The following RBMS3 variants were observed in gnomAD, a reference collection of about 807,000 sequenced individuals.
RBMS3 encodes the protein RNA binding motif single stranded interacting protein 3, also known as RNA-binding motif, single-stranded-interacting protein 3.
RBMS3 carries 27 observed loss-of-function variants against 66.8 expected under a neutral mutation model. The ratio of observed to expected loss-of-function variants is 0.40; its 90% CI spans 0.30 to 0.56. RBMS3 has a LOEUF of 0.56. RBMS3 is among the 20% of genes least tolerant of loss of function. The pLI is 0.40. For synonymous variants in RBMS3, 188 were observed against 183.0 expected (o/e 1.03, Z -0.22); for missense variants, 513 against 549.5 (o/e 0.93, Z 0.66).
intron 6 of RBMS3, among the ~76,000 whole-genome samples, chr3:29,866,077 T>TAAAAAAAACAAAAAAAAAA: frequency 9.5e-6 from 1 of 105,600 alleles, no homozygotes; most frequent in South Asian, 3.6e-4. Context: ...CACCAAATAC[T>TAAAAAAAACAAAAAAAAAA]AAAAAAAAAA....
Position 30,003,915 on chromosome 3 carries a change from T to C in RBMS3, c.*53T>C, listed in dbSNP as rs1055780167. 6.4e-6 allele frequency: 9 copies of C among 1,413,456 alleles called. No individual in the cohort carries two copies. The highest frequency in any genetic ancestry group is 4.4e-5 in the African/African-American group (3 of 68,400). The allele number at this position is 1,413,456 out of a possible 1,614,324, so 87.6% of individuals were successfully genotyped here. ...CTTTGCCTTGAATGAAGAAACTTCA[T>C]TGAACAAGAAGTTGGCTTCCAGTTT... On this transcript the variant is annotated 3_prime_UTR_variant, in exon 15 of 15. Coordinates refer to ENST00000383767, the MANE Select transcript of RBMS3 (RefSeq NM_001003793.3).
chr3:29,463,814 C>T (rs1197741259), intron 2 of RBMS3, among the ~76,000 whole-genome samples: 2 of 152,062 alleles, frequency 1.3e-5, no homozygotes, highest in Non-Finnish European at 2.9e-5. Flanking sequence ...AACCTAACCC[C>T]ACACTACATA....
rs926136342 is a variant in RBMS3, at chr3:30,009,754, T to A, written c.*5892T>A. On this transcript the variant is annotated 3_prime_UTR_variant, in exon 15 of 15. Transcript: ENST00000383767. ...TGACTTTGACACCCCCGTGGATTAT[T>A]TTTATGATCACATCAAATTTAAACA... The A allele has an allele frequency of 2.0e-5, 3 of 152,196 alleles. No individual in the cohort carries two copies. The highest frequency in any genetic ancestry group is 7.2e-5 in the African/African-American group (3 of 41,464). 9.4% of individuals were successfully genotyped at this position (152,196 alleles called of 1,614,324 possible).
At chr3:29,614,921 C>T (rs141095615) in intron 4 of RBMS3, 140 of 152,300 alleles carry the variant, frequency 9.2e-4, no homozygotes, top group African/African-American at 3.2e-3. Flanking sequence ...TATCACTATA[C>T]ATAAATGAGT....
intron 6 of RBMS3, among the ~76,000 whole-genome samples, chr3:29,801,449 G>T (rs2057387178): frequency 6.6e-6 from 1 of 151,706 alleles, no homozygotes; most frequent in African/African-American, 2.4e-5. Flanking sequence ...TGTATTTTTA[G>T]TAGAGATGGC....
At chr3:29,487,584 T>C (rs1402538520) in intron 2 of RBMS3, among the ~76,000 whole-genome samples, 1 of 152,140 alleles carries the variant, frequency 6.6e-6, no homozygotes, top group Non-Finnish European at 1.5e-5. Context: ...CATTTTTATA[T>C]AGCTGATAGC....
intron 5 of RBMS3, among the ~76,000 whole-genome samples, chr3:29,747,953 T>G (rs2054998907): frequency 6.8e-5 from 3 of 44,116 alleles, no homozygotes; most frequent in African/African-American, 3.9e-4. Context: ...GTAATTTGTC[T>G]GCCTGCTGCC....
chr3:29,592,674 T>A (rs950771248), intron 4 of RBMS3, among the ~76,000 whole-genome samples: 2 of 152,098 alleles, frequency 1.3e-5, no homozygotes, highest in Admixed American at 6.6e-5. Flanking sequence ...ACCCAAAGGA[T>A]TATAAATCAT....
At chr3:29,529,515 T>C (rs1576131255) in intron 3 of RBMS3, among the ~76,000 whole-genome samples, 1 of 152,316 alleles carries the variant, frequency 6.6e-6, no homozygotes, top group South Asian at 2.1e-4. Flanking sequence ...CTTTATTTAA[T>C]CTAAATCTAA....
chr3:29,978,856 TGGGCGTGG>T (rs1697776374), intron 12 of RBMS3, among the ~76,000 whole-genome samples: 1 of 152,008 alleles, frequency 6.6e-6, no homozygotes, highest in African/African-American at 2.4e-5. Flanking sequence ...AACTGGGGGC[TGGGCGTGG>T]GGGCTCACAC....
At chr3:29,384,038 G>A (rs1357625829) in intron 1 of RBMS3, among the ~76,000 whole-genome samples, 2 of 152,136 alleles carry the variant, frequency 1.3e-5, no homozygotes, top group East Asian at 3.9e-4. Context: ...GAAGAGAGCT[G>A]GGCACAGTGG....
intron 5 of RBMS3, among the ~76,000 whole-genome samples, chr3:29,746,872 T>G (rs1449721940): frequency 6.6e-6 from 1 of 152,178 alleles, no homozygotes; most frequent in African/African-American, 2.4e-5. Flanking sequence ...AAAATAAAAA[T>G]GACCACATAC....
chr3:29,471,939 A>G (rs1480921988), intron 2 of RBMS3, among the ~76,000 whole-genome samples: 3 of 152,040 alleles, frequency 2.0e-5, no homozygotes, highest in Non-Finnish European at 4.4e-5. Context: ...TTCCTGGGAG[A>G]ATGATGAATA....
rs2043077252 is a variant in RBMS3, at chr3:29,480,035, T to A, written c.249-8406T>A. Among the ~76,000 whole-genome samples the A allele has an allele frequency of 1.3e-5, 2 of 152,186 alleles. 1 individual carries two copies. The highest frequency in any genetic ancestry group is 2.9e-5 in the Non-Finnish European group (2 of 68,032). On this transcript the variant is annotated intron_variant, in intron 2 of 14. Coordinates refer to ENST00000383767, the MANE Select transcript of RBMS3 (RefSeq NM_001003793.3). ...GGCGAAGATGGTGAGTTGAACTTTGTTGTGTCATTTGAGATGATCATTCAG... is the reference window on the plus strand; with the variant it reads ...GGCGAAGATGGTGAGTTGAACTTTGATGTGTCATTTGAGATGATCATTCAG...
At chr3:29,743,992 G>T (rs568053873) in intron 5 of RBMS3, among the ~76,000 whole-genome samples, 1 of 145,932 alleles carries the variant, frequency 6.9e-6, no homozygotes, top group African/African-American at 2.5e-5. Flanking sequence ...GAGAACATGC[G>T]GTGTTTGGTT....
intron 7 of RBMS3, among the ~76,000 whole-genome samples, chr3:29,871,048 T>C (rs897190017): frequency 1.3e-5 from 2 of 152,166 alleles, no homozygotes; most frequent in Non-Finnish European, 2.9e-5. Flanking sequence ...TGCATTTTAC[T>C]TGCTAAAGTA....
At chr3:29,922,556 A>G (rs2060819805) in intron 10 of RBMS3, among the ~76,000 whole-genome samples, 1 of 152,076 alleles carries the variant, frequency 6.6e-6, no homozygotes, top group African/African-American at 2.4e-5. Context: ...GGATGAATTA[A>G]TGAATATTCT....
chr3:29,302,340 C>G (rs1423437273), intron 1 of RBMS3, among the ~76,000 whole-genome samples: 1 of 151,908 alleles, frequency 6.6e-6, no homozygotes. Context: ...GTGGTACTTT[C>G]TGATTATTGT....
chr3:29,467,537 C>T (rs749930055), intron 2 of RBMS3, among the ~76,000 whole-genome samples: 10 of 152,090 alleles, frequency 6.6e-5, no homozygotes, highest in Non-Finnish European at 1.3e-4. Context: ...TGCTTTATAA[C>T]CTGCATTTTT....
Sources: gnomAD v4.1 joint callset for allele counts (sites outside exome capture counted in the v4.1 genomes callset) on GRCh38, gnomAD v4.1.1 for gene constraint, MANE v1.5 for transcripts, NCBI Gene and HGNC (gene_info 2026-07-23, HGNC 2026-07-21) for gene names.